Variants in AP1S3 observed in about 807,000 individuals in gnomAD.
AP1S3 encodes the protein adaptor related protein complex 1 subunit sigma 3.
A neutral mutation model predicts 20.9 loss-of-function variants in AP1S3; 10 were observed. The ratio of observed to expected loss-of-function variants is 0.48; its 90% CI spans 0.29 to 0.81. AP1S3 has a LOEUF of 0.81. AP1S3 is among the 30% of genes least tolerant of loss of function. The pLI is 0.08. For synonymous variants in AP1S3, 41 were observed against 61.5 expected (o/e 0.67, Z 1.56); for missense variants, 154 against 183.8 (o/e 0.84, Z 0.94).
chr2:223,758,595 G>A lies in AP1S3; in HGVS notation c.*120C>T. On this transcript the variant is annotated 3_prime_UTR_variant, in exon 5 of 5. Transcript: ENST00000396654. ...AACTTTAACTTTGTTAGTTAACAAA[G>A]AATCCCTTTAAATTATTTTTGGCAT... 1 of 1,378,528 alleles carries A rather than the reference G, an allele frequency of 7.3e-7. No individual in the cohort carries two copies. The highest frequency in any genetic ancestry group is 2.7e-5 in the East Asian group (1 of 36,590). The allele number at this position is 1,378,528 out of a possible 1,614,324, so 85.4% of individuals were successfully genotyped here. A position where few individuals can be genotyped will look rare whatever the true frequency, so the allele number is the denominator to read the frequency against.
chr2:223,771,146 G>A lies in AP1S3; in HGVS notation c.291+4755C>T, dbSNP rs561749717. On this transcript the variant is annotated intron_variant, in intron 3 of 4. Transcript: ENST00000396654. ...AGGTCAAGAGTTCGAGACCAGACTG[G>A]GCAACATGGTGAGACCCTGTCTCTA... Among the ~76,000 whole-genome samples, 400 of 151,942 alleles carry A rather than the reference G, an allele frequency of 2.6e-3. 3 individuals are homozygous for A. Among genetic ancestry groups the A allele is most frequent in the African/African-American group, 9.1e-3 (376 of 41,498 alleles).
chr2:223,780,519 A>C (rs1269357650), intron 1 of AP1S3, among the ~76,000 whole-genome samples: 1 of 151,354 alleles, frequency 6.6e-6, no homozygotes, highest in Non-Finnish European at 1.5e-5. Context: ...TCAGCCTCCC[A>C]GGCTCAAGTG....
At chr2:223,780,302 TATATATAGAG>T (rs1259495930) in intron 1 of AP1S3, among the ~76,000 whole-genome samples, 135 of 49,212 alleles carry the variant, frequency 2.7e-3, no homozygotes, top group Non-Finnish European at 3.5e-3. Flanking sequence ...TATATATATA[TATATATAGAG>T]AGAGAGAGAG....
rs542475700 is a variant in AP1S3, at chr2:223,773,229, G to A, written c.291+2672C>T. On this transcript the variant is annotated intron_variant, in intron 3 of 4. Coordinates refer to ENST00000396654, the MANE Select transcript of AP1S3 (RefSeq NM_001039569.2). ...TTCAGCCCCAATTCACATTATCACA[G>A]TTGGTTTAATCTAGGAAAATACAAC... The A allele has an allele frequency of 3.8e-4, 475 of 1,234,788 alleles. 4 individuals carry two copies. The African/African-American group carries it at 6.7e-3, about 17-fold the overall frequency. The allele number at this position is 1,234,788 out of a possible 1,614,324, so 76.5% of individuals were successfully genotyped here.
At chr2:223,813,155 C>T (rs886217027) in intron 1 of AP1S3, among the ~76,000 whole-genome samples, 1 of 151,988 alleles carries the variant, frequency 6.6e-6, no homozygotes, top group East Asian at 1.9e-4. Context: ...CCATGTTGGC[C>T]AGGCTGGTCT....
At chr2:223,837,228 G>A (rs1029918970) in intron 1 of AP1S3, among the ~76,000 whole-genome samples, 1 of 151,044 alleles carries the variant, frequency 6.6e-6, no homozygotes, top group Non-Finnish European at 1.5e-5. Flanking sequence ...GAGCCGCGGC[G>A]CCGCGGCGCC....
At position 223,778,101 on chromosome 2, in the gene AP1S3, G is replaced by GT. The variant is rs963644264; in HGVS notation, c.4-233dup. Among the ~76,000 whole-genome samples, 128 of 150,352 alleles carry GT rather than the reference G, an allele frequency of 8.5e-4. 1 individual carries two copies. The highest frequency in any genetic ancestry group is 2.8e-3 in the African/African-American group (111 of 40,354). On this transcript the variant is annotated intron_variant, in intron 1 of 4. Coordinates refer to ENST00000396654, the MANE Select transcript of AP1S3 (RefSeq NM_001039569.2). ...TACTTTTATTATAGGAGAAAAATAA[G>GT]TTTTTTTTTGTTTTTTTTGTTTGTT... is the stretch of plus-strand genomic sequence containing the variant.
At chr2:223,828,510 G>A (rs896373678) in intron 1 of AP1S3, among the ~76,000 whole-genome samples, 4 of 152,044 alleles carry the variant, frequency 2.6e-5, no homozygotes, top group Non-Finnish European at 5.9e-5. Flanking sequence ...TGCCACATCT[G>A]GGTCCCCACA....
chr2:223,765,182 T>A (rs866881554), intron 4 of AP1S3, 31 bp downstream of exon 4: 2 of 1,367,308 alleles, frequency 1.5e-6, no homozygotes, highest in Admixed American at 2.2e-5. Context: ...CATCATCATC[T>A]TTCTCCCATG....
intron 1 of AP1S3, among the ~76,000 whole-genome samples, chr2:223,785,387 A>G (rs550948050): frequency 1.3e-5 from 2 of 152,350 alleles, no homozygotes; most frequent in South Asian, 4.1e-4. Context: ...TGTGTGTAGT[A>G]TAAGAAAAAT....
chr2:223,824,245 AGCCT>A (rs1692063330), intron 1 of AP1S3, among the ~76,000 whole-genome samples: 1 of 152,072 alleles, frequency 6.6e-6, no homozygotes, highest in Admixed American at 6.6e-5. Flanking sequence ...TCATGCAATC[AGCCT>A]GCCTCAGCCT....
chr2:223,780,249 C>T (rs897322553), intron 1 of AP1S3, among the ~76,000 whole-genome samples: 19 of 130,310 alleles, frequency 1.5e-4, no homozygotes, highest in African/African-American at 4.4e-4. Context: ...TAGCTGGAAC[C>T]ACAGGTGTGC....
At chr2:223,808,678 T>C (rs1691640260) in intron 1 of AP1S3, among the ~76,000 whole-genome samples, 1 of 152,226 alleles carries the variant, frequency 6.6e-6, no homozygotes, top group Non-Finnish European at 1.5e-5. Flanking sequence ...CTCAGTTTCC[T>C]TCAGAGTACT....
At chr2:223,763,368 A>G (rs1690405371) in intron 4 of AP1S3, among the ~76,000 whole-genome samples, 1 of 152,224 alleles carries the variant, frequency 6.6e-6, no homozygotes, top group Admixed American at 6.5e-5. Flanking sequence ...GAGGATTTCA[A>G]ATTAACCCAG....
chr2:223,818,865 G>A (rs1218821508), intron 1 of AP1S3, among the ~76,000 whole-genome samples: 1 of 152,116 alleles, frequency 6.6e-6, no homozygotes, highest in Admixed American at 6.5e-5. Flanking sequence ...AATTTTCAAA[G>A]TTGTTCTTAC....
intron 4 of AP1S3, 94 bp downstream of exon 4, chr2:223,765,115 GAGTA>G: frequency 6.6e-7 from 1 of 1,520,198 alleles, no homozygotes; most frequent in Non-Finnish European, 8.8e-7. Context: ...ACCCAGCACA[GAGTA>G]AGTACTCAGT....
At chr2:223,774,369 AAAT>A (rs1690709909) in intron 3 of AP1S3, among the ~76,000 whole-genome samples, 1 of 104,066 alleles carries the variant, frequency 9.6e-6, no homozygotes, top group Non-Finnish European at 1.8e-5. Flanking sequence ...CCGTCTCAAT[AAAT>A]AATAAATAAA....
rs548937833 is a variant in AP1S3, at chr2:223,798,236, T to C, written c.4-20367A>G. On this transcript the variant is annotated intron_variant, in intron 1 of 4. Coordinates refer to ENST00000396654, the MANE Select transcript of AP1S3 (RefSeq NM_001039569.2). ...CTCAGAATCTCAGGTAGGCCTGTCA[T>C]GTCAGCCTTTTTCCTGAAATAAAAT... is the stretch of plus-strand genomic sequence containing the variant. 4.6e-5 allele frequency among the ~76,000 whole-genome samples: 7 copies of C among 152,330 alleles called. No individual in the cohort carries two copies. The South Asian group carries it at 1.4e-3, about 32-fold the overall frequency.
chr2:223,814,566 T>C (rs1691802431), intron 1 of AP1S3, among the ~76,000 whole-genome samples: 2 of 152,134 alleles, frequency 1.3e-5, no homozygotes, highest in Non-Finnish European at 1.5e-5. Context: ...GGGCTAGTTT[T>C]CCAAAGACCC....
Sources: allele counts gnomAD v4.1 joint callset (sites outside exome capture counted in the v4.1 genomes callset), GRCh38; gene constraint gnomAD v4.1.1; transcripts MANE v1.5; gene names NCBI Gene and HGNC (gene_info 2026-07-23, HGNC 2026-07-21).